SLC24A3: variants seen among roughly 807,000 people sequenced by gnomAD.
SLC24A3 encodes the protein sodium/potassium/calcium exchanger 3.
In SLC24A3, 28 loss-of-function variants were observed where a neutral mutation model predicts 75.8. That is an observed-to-expected ratio of 0.37 (90% CI 0.27 to 0.51). The LOEUF is 0.51. Among genes scored for constraint, SLC24A3 ranks in the 20% least tolerant of loss-of-function variants. SLC24A3 has a pLI of 0.94. For missense variants in SLC24A3, 663 were observed against 847.8 expected (o/e 0.78, Z 2.71); for synonymous variants, 372 against 334.1 (o/e 1.11, Z -1.24).
chr20:19,283,951 C>T (rs1333213253), intron 2 of SLC24A3, among the ~76,000 whole-genome samples: 2 of 152,154 alleles, frequency 1.3e-5, no homozygotes, highest in African/African-American at 4.8e-5. Flanking sequence ...CAGGCCACAC[C>T]GCAGGTAGCT....
intron 2 of SLC24A3, among the ~76,000 whole-genome samples, chr20:19,327,340 AC>A (rs1031362228): frequency 3.9e-5 from 6 of 152,236 alleles, no homozygotes; most frequent in South Asian, 2.1e-4. Context: ...CAATAAAAAA[AC>A]GTTCTTTCAT....
chr20:19,448,853 T>G (rs922666701), intron 2 of SLC24A3, among the ~76,000 whole-genome samples: 1 of 152,098 alleles, frequency 6.6e-6, no homozygotes, highest in African/African-American at 2.4e-5. Context: ...CTCCATAAAT[T>G]ATTAGGATTT....
chr20:19,686,557 T>C (rs2032678164), intron 12 of SLC24A3, among the ~76,000 whole-genome samples: 1 of 152,214 alleles, frequency 6.6e-6, no homozygotes, highest in East Asian at 1.9e-4. Flanking sequence ...TCGGGATGTT[T>C]GAATGTGCAG....
chr20:19,453,754 A>G (rs548868635), intron 2 of SLC24A3, among the ~76,000 whole-genome samples: 139 of 152,264 alleles, frequency 9.1e-4, no homozygotes, highest in Non-Finnish European at 1.7e-3. Flanking sequence ...GCACTCTAGC[A>G]TGGTGTCACC....
intron 2 of SLC24A3, among the ~76,000 whole-genome samples, chr20:19,454,104 G>C (rs766711010): frequency 6.6e-6 from 1 of 152,198 alleles, no homozygotes; most frequent in Non-Finnish European, 1.5e-5. Context: ...GGGTTAAGAA[G>C]CAGTGCTCAG....
At chr20:19,469,909 C>T (rs1336814479) in intron 2 of SLC24A3, among the ~76,000 whole-genome samples, 1 of 152,174 alleles carries the variant, frequency 6.6e-6, no homozygotes, top group Non-Finnish European at 1.5e-5. Context: ...AAAATTATTC[C>T]CATGCAAGGG....
chr20:19,217,352 G>A (rs184567198), intron 1 of SLC24A3, among the ~76,000 whole-genome samples: 2 of 152,144 alleles, frequency 1.3e-5, no homozygotes, highest in African/African-American at 2.4e-5. Flanking sequence ...GATCTGAAGG[G>A]ATCATAACTT....
chr20:19,533,624 G>A (rs564540992), intron 3 of SLC24A3, among the ~76,000 whole-genome samples: 32 of 152,288 alleles, frequency 2.1e-4, no homozygotes, highest in African/African-American at 7.7e-4. Flanking sequence ...TATAAATATA[G>A]GGCACTCACT....
intron 2 of SLC24A3, among the ~76,000 whole-genome samples, chr20:19,336,964 G>C (rs1054518958): frequency 1.5e-4 from 23 of 152,236 alleles, no homozygotes; most frequent in African/African-American, 5.3e-4. Flanking sequence ...AGCATACTCT[G>C]TAAGCATGTG....
intron 2 of SLC24A3, among the ~76,000 whole-genome samples, chr20:19,429,477 C>T (rs959606592): frequency 5.3e-5 from 8 of 152,208 alleles, no homozygotes; most frequent in African/African-American, 1.9e-4. Flanking sequence ...GTAATACACG[C>T]ACTATCTCTA....
At chr20:19,628,202 C>CAAAAAAAAAAAAAAA (rs776701707) in intron 6 of SLC24A3, among the ~76,000 whole-genome samples, 12 of 51,794 alleles carry the variant, frequency 2.3e-4, no homozygotes, top group African/African-American at 3.8e-4. Flanking sequence ...GACTCCATCT[C>CAAAAAAAAAAAAAAA]AAAAAAAAAA....
intron 2 of SLC24A3, among the ~76,000 whole-genome samples, chr20:19,502,220 A>G (rs1232883535): frequency 1.3e-5 from 2 of 152,146 alleles, no homozygotes; most frequent in Non-Finnish European, 2.9e-5. Flanking sequence ...CTTGGGTCCC[A>G]GAGCAGCTGA....
chr20:19,302,974 G>A (rs1984229736), intron 2 of SLC24A3, among the ~76,000 whole-genome samples: 1 of 151,672 alleles, frequency 6.6e-6, no homozygotes, highest in South Asian at 2.1e-4. Flanking sequence ...AATAGGTTGT[G>A]GAACGTGATA....
intron 2 of SLC24A3, among the ~76,000 whole-genome samples, chr20:19,288,749 T>C (rs1983870260): frequency 6.6e-6 from 1 of 152,198 alleles, no homozygotes; most frequent in South Asian, 2.1e-4. Flanking sequence ...GGATTATGGT[T>C]TCTAGTGGCT....
At chr20:19,695,236 G>A (rs1159937655) in intron 13 of SLC24A3, among the ~76,000 whole-genome samples, 1 of 152,202 alleles carries the variant, frequency 6.6e-6, no homozygotes, top group African/African-American at 2.4e-5. Flanking sequence ...GGTTCCGGGT[G>A]TAGGTGTCTC....
chr20:19,640,676 G>A (rs1278671936), intron 6 of SLC24A3, among the ~76,000 whole-genome samples: 3 of 152,066 alleles, frequency 2.0e-5, no homozygotes, highest in Non-Finnish European at 4.4e-5. Flanking sequence ...CTTCAACCCG[G>A]GAGGCGAAGG....
In SLC24A3 at chr20:19,717,609, T is replaced by C. The variant is rs1214843933; in HGVS notation, c.1785+16T>C. On this transcript the variant is annotated intron_variant, in intron 16 of 16. Coordinates refer to ENST00000328041, the MANE Select transcript of SLC24A3 (RefSeq NM_020689.4). ...TTTTGTCACGGTAGGTTGGCAGCTC[T>C]CTCCTCGTACTTGTGTTTGCCTGTT... 2.5e-6 allele frequency: 4 copies of C among 1,613,920 alleles called. No individual in the cohort carries two copies. The highest frequency in any genetic ancestry group is 3.4e-6 in the Non-Finnish European group (4 of 1,179,816).
chr20:19,464,060 A>G lies in SLC24A3; in HGVS notation c.272-51428A>G, dbSNP rs7265422. On this transcript the variant is annotated intron_variant, in intron 2 of 16. Transcript: ENST00000328041. The stretch of plus-strand genomic sequence containing the variant: ...GCCACCTAGGCCATTGGAAGTTAGT[A>G]GTTTTTATTCACCAGTGAAAAGATC... Among the ~76,000 whole-genome samples, 142 of 152,248 alleles carry G rather than the reference A, an allele frequency of 9.3e-4. 1 individual carries two copies. Among genetic ancestry groups the G allele is most frequent in the Non-Finnish European group, 1.7e-3 (114 of 68,046 alleles).
intron 2 of SLC24A3, among the ~76,000 whole-genome samples, chr20:19,282,334 G>A (rs570356834): frequency 8.5e-5 from 13 of 152,328 alleles, no homozygotes; most frequent in African/African-American, 3.1e-4. Flanking sequence ...AATACCCTAT[G>A]TAGTCTATGT....
Sources: allele counts gnomAD v4.1 joint callset (sites outside exome capture counted in the v4.1 genomes callset), GRCh38; gene constraint gnomAD v4.1.1; transcripts MANE v1.5; gene names NCBI Gene and HGNC (gene_info 2026-07-23, HGNC 2026-07-21).